The following SCIN variants were observed in gnomAD, a reference collection of about 807,000 sequenced individuals.
SCIN encodes adseverin.
A neutral mutation model predicts 91.8 loss-of-function variants in SCIN; 91 were observed. The observed-to-expected ratio is 0.99, with a 90% CI of 0.84 to 1.18. SCIN has a LOEUF of 1.18. Ranked by LOEUF, SCIN falls within the 50% of genes most tolerant of loss-of-function variation. SCIN has a pLI of 0.00. For missense variants in SCIN, 1,087 were observed against 863.9 expected, an observed-to-expected ratio of 1.26 and a Z score of -3.24; for synonymous variants, 367 against 312.6, an observed-to-expected ratio of 1.17 and a Z score of -1.84.
chr7:12,601,200 A>G (rs947567952), intron 3 of SCIN, among the ~76,000 whole-genome samples: 3 of 152,268 alleles, frequency 2.0e-5, no homozygotes, highest in Admixed American at 2.0e-4. Context: ...GTCATCAGGA[A>G]TGTTAAGCGG....
At chr7:12,591,832 T>C (rs1215452924) in intron 3 of SCIN, among the ~76,000 whole-genome samples, 1 of 152,154 alleles carries the variant, frequency 6.6e-6, no homozygotes, top group Non-Finnish European at 1.5e-5. Flanking sequence ...CAGGGGAAAG[T>C]TGAATTCCTA....
At chr7:12,622,341 C>T (rs1343091582) in intron 4 of SCIN, among the ~76,000 whole-genome samples, 1 of 152,096 alleles carries the variant, frequency 6.6e-6, no homozygotes, top group South Asian at 2.1e-4. Flanking sequence ...TGCACTTCAT[C>T]CTATATGTCA....
At position 12,597,355 on chromosome 7, in the gene SCIN, A is replaced by G. The variant is rs952726829; in HGVS notation, c.517-7159A>G. 2.6e-5 allele frequency among the ~76,000 whole-genome samples: 4 copies of G among 152,216 alleles called. No homozygotes were observed. In the East Asian group the frequency reaches 5.8e-4, roughly 22 times the overall value. On this transcript the variant is annotated intron_variant, in intron 3 of 15. Transcript: ENST00000297029. ...AAGCCAATAGATGCCAGGAAGAGGA[A>G]GAAGTCTGGCCTCACGTTCTCCTTT...
intron 3 of SCIN, among the ~76,000 whole-genome samples, chr7:12,601,151 A>G (rs1016173379): frequency 1.3e-5 from 2 of 152,194 alleles, no homozygotes; most frequent in Non-Finnish European, 2.9e-5. Context: ...TTGCATTCCT[A>G]AAATGTGTAT....
Position 12,657,496 on chromosome 7 carries a change from A to G in SCIN, c.*4781A>G, listed in dbSNP as rs1397196786. ...TATGCTGGGATTACAGGCATGAGCC[A>G]CCGCATCTGGACACGAATTTTTAAG... is the stretch of plus-strand genomic sequence containing the variant. On this transcript the variant is annotated 3_prime_UTR_variant, in exon 16 of 16. Coordinates refer to ENST00000297029, the MANE Select transcript of SCIN (RefSeq NM_001112706.3). The G allele has an allele frequency of 7.4e-6, 1 of 134,894 alleles. No individual in the cohort carries two copies. Among genetic ancestry groups the G allele is most frequent in the African/African-American group, 2.6e-5 (1 of 38,000 alleles). The allele number at this position is 134,894 out of a possible 1,614,324, so 8.4% of individuals were successfully genotyped here. A position where few individuals can be genotyped will look rare whatever the true frequency, so the allele number is the denominator to read the frequency against.
At chr7:12,576,669 A>G (rs1782378446) in intron 1 of SCIN, among the ~76,000 whole-genome samples, 1 of 152,164 alleles carries the variant, frequency 6.6e-6, no homozygotes. Context: ...AGTTTTTAAG[A>G]ACCTGTGCTT....
chr7:12,585,218 G>C (rs10255606), intron 3 of SCIN, among the ~76,000 whole-genome samples: 85,992 of 151,762 alleles, frequency 0.57, 25,140 homozygotes, highest in African/African-American at 0.72. Flanking sequence ...ATGACCCCTG[G>C]TAAATCCGGT....
Position 12,644,181 on chromosome 7 carries a change from TC to T in SCIN, c.1627del (p.Leu543Ter). 1 of 1,613,090 alleles carries T rather than the reference TC, an allele frequency of 6.2e-7. No homozygotes were observed. The highest frequency in any genetic ancestry group is 1.7e-5 in the Admixed American group (1 of 59,914). On this transcript the variant is annotated frameshift_variant, in exon 12 of 16. Coordinates refer to ENST00000297029, the MANE Select transcript of SCIN (RefSeq NM_001112706.3). LOFTEE classifies it high-confidence loss of function. ...ANSLNSNDVF[V>X]LKLPQNSGYI... is the part of the protein sequence containing the mutation. ...TCACTGAATTCTAACGATGTTTTTG[TC>T]CTGAAACTGCCACAAAATAGTGGCT... is the stretch of plus-strand genomic sequence containing the variant.
chr7:12,630,244 G>A (rs1158349033), intron 9 of SCIN, among the ~76,000 whole-genome samples: 3 of 151,998 alleles, frequency 2.0e-5, no homozygotes, highest in Non-Finnish European at 4.4e-5. Flanking sequence ...GAGTGGTCTG[G>A]GAACTCGGAG....
At chr7:12,648,546 C>T (rs1784012910) in intron 13 of SCIN, among the ~76,000 whole-genome samples, 2 of 152,174 alleles carry the variant, frequency 1.3e-5, no homozygotes, top group Admixed American at 1.3e-4. Context: ...CCACCCAACT[C>T]AGCCTCCCAA....
chr7:12,633,828 T>A (rs1437707690), intron 9 of SCIN, among the ~76,000 whole-genome samples: 1 of 152,222 alleles, frequency 6.6e-6, no homozygotes, highest in Non-Finnish European at 1.5e-5. Context: ...ACCTTGTGCT[T>A]CCAGTGCACA....
intron 3 of SCIN, among the ~76,000 whole-genome samples, chr7:12,599,086 C>G (rs1024901382): frequency 6.6e-6 from 1 of 152,026 alleles, no homozygotes; most frequent in Non-Finnish European, 1.5e-5. Context: ...TAAATAGTGG[C>G]ATAAAATAAG....
At chr7:12,597,721 C>T (rs1489748935) in intron 3 of SCIN, among the ~76,000 whole-genome samples, 1 of 152,206 alleles carries the variant, frequency 6.6e-6, no homozygotes, top group African/African-American at 2.4e-5. Flanking sequence ...GCTCTTATTT[C>T]TTGTAACTAG....
intron 4 of SCIN, among the ~76,000 whole-genome samples, chr7:12,610,786 T>C (rs1184112562): frequency 2.0e-5 from 3 of 152,154 alleles, no homozygotes. Context: ...AGAACCAGCC[T>C]CTCGAAAAAC....
chr7:12,629,137 G>T lies in SCIN; in HGVS notation c.1234G>T (p.Asp412Tyr). The T allele has an allele frequency of 6.2e-7, 1 of 1,613,018 alleles. No individual in the cohort carries two copies. Among genetic ancestry groups the T allele is most frequent in the South Asian group, 1.1e-5 (1 of 90,976 alleles). Residue 412 changes from aspartate to tyrosine, a missense_variant, in exon 9 of 16, where the codon GAC becomes TAC. Asp to Tyr is a radical substitution (Grantham distance 160). Transcript: ENST00000297029. ...RVENNGRIQV[D>Y]QNSYGEFYGG... ...AGAAAACAATGGTAGGATCCAAGTT[G>T]ACCAAAACTCATATGGTGAATTCTA...
chr7:12,640,291 C>G lies in SCIN; in HGVS notation c.1411-56C>G, dbSNP rs182535565. On this transcript the variant is annotated intron_variant, in intron 10 of 15. Coordinates refer to ENST00000297029, the MANE Select transcript of SCIN (RefSeq NM_001112706.3). Reference sequence around the variant, plus strand: ...CATAAGAACACATTTGGAACTAAAACCTTCTTTCACAGCACTCTTAATTAT... The same window carrying G: ...CATAAGAACACATTTGGAACTAAAAGCTTCTTTCACAGCACTCTTAATTAT... 580 of 1,404,514 alleles carry G rather than the reference C, an allele frequency of 4.1e-4. 3 individuals carry two copies. In the African/African-American group the frequency reaches 7.8e-3, roughly 19 times the overall value. 87.0% of individuals were successfully genotyped at this position (1,404,514 alleles called of 1,614,324 possible). A position where few individuals can be genotyped will look rare whatever the true frequency, so the allele number is the denominator to read the frequency against.
chr7:12,622,683 C>T, intron 4 of SCIN, 118 bp from the exon 5 acceptor site: 1 of 698,442 alleles, frequency 1.4e-6, no homozygotes, highest in Non-Finnish European at 2.4e-6. Context: ...AGTGTTTGAG[C>T]CTGGTCATTT....
chr7:12,595,986 G>A (rs1241786356), intron 3 of SCIN, among the ~76,000 whole-genome samples: 2 of 152,156 alleles, frequency 1.3e-5, no homozygotes, highest in Non-Finnish European at 2.9e-5. Context: ...CAGACAAAGA[G>A]ACCAAGACAA....
At position 12,629,165 on chromosome 7, in the gene SCIN, G is replaced by A. The variant is rs768121503; in HGVS notation, c.1262G>A (p.Gly421Asp). Residue 421 changes from glycine to aspartate, a missense_variant, in exon 9 of 16, where the codon GGT (glycine) becomes GAT (aspartate). Transcript: ENST00000297029. ...CAAAACTCATATGGTGAATTCTATG[G>A]TGGTGACTGCTACATCATACTCTAC... ...VDQNSYGEFY[G>D]GDCYIILYTY... is the part of the protein sequence containing the mutation. The A allele has an allele frequency of 1.2e-6, 2 of 1,613,072 alleles. No individual in the cohort carries two copies. Among genetic ancestry groups the A allele is most frequent in the East Asian group, 2.2e-5 (1 of 44,830 alleles).
Sources: gnomAD v4.1 joint callset for allele counts (sites outside exome capture counted in the v4.1 genomes callset) on GRCh38, gnomAD v4.1.1 for gene constraint, MANE v1.5 for transcripts, NCBI Gene and HGNC (gene_info 2026-07-23, HGNC 2026-07-21) for gene names.